PDE4B: variants seen among roughly 807,000 people sequenced by gnomAD.
PDE4B encodes phosphodiesterase 4B.
A neutral mutation model predicts 82.2 loss-of-function variants in PDE4B; 20 were observed. That is an observed-to-expected ratio of 0.24 (90% CI 0.17 to 0.35). The LOEUF is 0.35. Among genes scored for constraint, PDE4B ranks in the 10% least tolerant of loss-of-function variants. The pLI is 1.00. For synonymous variants in PDE4B, 320 were observed against 318.9 expected (o/e 1.00, Z -0.04); for missense variants, 655 against 907.2 (o/e 0.72, Z 3.57).
chr1:66,282,868 G>A (rs1656394590), intron 7 of PDE4B, among the ~76,000 whole-genome samples: 1 of 152,140 alleles, frequency 6.6e-6, no homozygotes, highest in Admixed American at 6.5e-5. Flanking sequence ...CAGCCCCTCA[G>A]TAAGAATCTG....
intron 3 of PDE4B, among the ~76,000 whole-genome samples, chr1:66,072,725 A>G (rs7552924): frequency 0.47 from 71,990 of 151,988 alleles, 17,704 homozygotes; most frequent in Non-Finnish European, 0.54. Flanking sequence ...AGTCCTAAAT[A>G]CCTGCTCTGT....
Position 66,122,103 on chromosome 1 carries a change from G to A in PDE4B, c.282-125357G>A, listed in dbSNP as rs148048542. Among the ~76,000 whole-genome samples, 146 of 152,162 alleles carry A rather than the reference G, an allele frequency of 9.6e-4. 2 individuals are homozygous for A. In the East Asian group the frequency reaches 0.025, roughly 27 times the overall value. ...ACAACTTTGAAGTCACATGGCCGAG[G>A]CTATAATCCTAGGCTACTGACTGAT... On this transcript the variant is annotated intron_variant, in intron 3 of 16. Coordinates refer to ENST00000341517, the MANE Select transcript of PDE4B (RefSeq NM_002600.4).
At chr1:66,090,933 C>G (rs868369511) in intron 3 of PDE4B, among the ~76,000 whole-genome samples, 4 of 151,934 alleles carry the variant, frequency 2.6e-5, no homozygotes, top group Middle Eastern at 3.4e-3. Flanking sequence ...TAAAATCTAT[C>G]CTTCAGTTGA....
At chr1:65,878,747 G>A (rs559827515) in intron 1 of PDE4B, among the ~76,000 whole-genome samples, 1 of 152,158 alleles carries the variant, frequency 6.6e-6, no homozygotes, top group East Asian at 1.9e-4. Context: ...CGGGGGAAAG[G>A]GGAGGGAGAG....
intron 3 of PDE4B, among the ~76,000 whole-genome samples, chr1:66,084,606 G>A (rs374598262): frequency 1.7e-4 from 26 of 152,102 alleles, no homozygotes; most frequent in African/African-American, 6.3e-4. Flanking sequence ...CCAGTAGAAG[G>A]GCTGAGGGAT....
At chr1:65,955,108 G>A (rs1393718032) in intron 3 of PDE4B, among the ~76,000 whole-genome samples, 1 of 152,064 alleles carries the variant, frequency 6.6e-6, no homozygotes, top group Non-Finnish European at 1.5e-5. Flanking sequence ...TATTATACAA[G>A]AATCTTCTGC....
chr1:66,122,286 C>T (rs1645724993), intron 3 of PDE4B, among the ~76,000 whole-genome samples: 1 of 152,190 alleles, frequency 6.6e-6, no homozygotes, highest in South Asian at 2.1e-4. Context: ...ATGTTAAGTG[C>T]TCAGTAAGTG....
At chr1:66,156,200 T>G (rs1646497729) in intron 3 of PDE4B, among the ~76,000 whole-genome samples, 1 of 152,110 alleles carries the variant, frequency 6.6e-6, no homozygotes, top group South Asian at 2.1e-4. Context: ...TAGGAATGAG[T>G]GAGTGAAAGG....
chr1:65,926,278 G>A (rs770306839), intron 3 of PDE4B, among the ~76,000 whole-genome samples: 7 of 152,130 alleles, frequency 4.6e-5, no homozygotes, highest in Non-Finnish European at 1.0e-4. Context: ...AAAATAAGAT[G>A]ATAGTTTTCC....
chr1:65,980,072 G>A (rs1557473825), intron 3 of PDE4B, among the ~76,000 whole-genome samples: 1 of 152,156 alleles, frequency 6.6e-6, no homozygotes, highest in Non-Finnish European at 1.5e-5. Context: ...AGATCCTGAA[G>A]TGAGTGTGAG....
intron 7 of PDE4B, 21 bp downstream of exon 7, chr1:66,266,108 T>C: frequency 1.3e-6 from 2 of 1,574,934 alleles, no homozygotes; most frequent in South Asian, 2.2e-5. Flanking sequence ...TCATAAGGTC[T>C]ATCTAGATGT....
chr1:66,159,748 CTT>C (rs1261615154), intron 3 of PDE4B, among the ~76,000 whole-genome samples: 1 of 151,620 alleles, frequency 6.6e-6, no homozygotes, highest in Non-Finnish European at 1.5e-5. Flanking sequence ...TATTCCCTGT[CTT>C]TATAGGCCAT....
intron 3 of PDE4B, among the ~76,000 whole-genome samples, chr1:66,118,571 TG>T (rs1445383378): frequency 7.3e-6 from 1 of 136,302 alleles, no homozygotes; most frequent in Non-Finnish European, 1.6e-5. Flanking sequence ...TGTTGTGGGG[TG>T]GGGGGAAGGG....
At position 66,087,769 on chromosome 1, in the gene PDE4B, C is replaced by CA. The variant is rs538588695; in HGVS notation, c.282-159685dup. ...CATTCTCAGTAAACTATCGCAGGAA[C>CA]AAAAAACCAAACACCGCATATTCTC... On this transcript the variant is annotated intron_variant, in intron 3 of 16. Coordinates refer to ENST00000341517, the MANE Select transcript of PDE4B (RefSeq NM_002600.4). Among the ~76,000 whole-genome samples the CA allele has an allele frequency of 3.5e-3, 516 of 148,512 alleles. 2 individuals carry two copies. Among genetic ancestry groups the CA allele is most frequent in the Non-Finnish European group, 5.9e-3 (396 of 67,534 alleles).
chr1:65,796,320 T>C (rs563447575), intron 1 of PDE4B, among the ~76,000 whole-genome samples: 1 of 152,328 alleles, frequency 6.6e-6, no homozygotes, highest in African/African-American at 2.4e-5. Context: ...TCAGCCCCAC[T>C]CTCTTTCTTA....
chr1:66,096,516 A>ATATATATATG (rs1645120115), intron 3 of PDE4B, among the ~76,000 whole-genome samples: 2 of 137,018 alleles, frequency 1.5e-5, no homozygotes, highest in African/African-American at 2.7e-5. Context: ...AATTATATAT[A>ATATATATATG]TATATATATA....
Position 66,332,546 on chromosome 1 carries a change from G to C in PDE4B, c.673G>C (p.Glu225Gln). Residue 225 changes from glutamate (E) to glutamine (Q), a missense_variant, in exon 8 of 17, where the codon GAA becomes CAA. Physicochemically the swap from Glu to Gln is conservative, Grantham distance 29. This residue lies in a region of PDE4B where 253 missense variants were observed against 275.6 expected (regional missense o/e 0.92). Coordinates refer to ENST00000341517, the MANE Select transcript of PDE4B (RefSeq NM_002600.4). ...AAAATTAGCAATGGAAACGCTGGAG[G>C]AATTAGACTGGTGTTTAGACCAGCT... ...YQKLAMETLEELDWCLDQLET... is the reference protein window; with the variant it reads ...YQKLAMETLEQLDWCLDQLET... 8.1e-6 allele frequency: 13 copies of C among 1,614,090 alleles called. No homozygotes were observed. The highest frequency in any genetic ancestry group is 1.3e-5 in the African/African-American group (1 of 75,054).
intron 3 of PDE4B, among the ~76,000 whole-genome samples, chr1:66,114,072 G>T (rs1367750484): frequency 6.6e-6 from 1 of 152,122 alleles, no homozygotes; most frequent in Non-Finnish European, 1.5e-5. Context: ...GATCATGAGG[G>T]CAGAGCTCTC....
chr1:66,176,585 T>A (rs1276839796), intron 3 of PDE4B, among the ~76,000 whole-genome samples: 3 of 152,220 alleles, frequency 2.0e-5, no homozygotes, highest in Non-Finnish European at 4.4e-5. Flanking sequence ...TAAAAGATAA[T>A]CAAGTTATAA....
Sources: allele counts gnomAD v4.1 joint callset (sites outside exome capture counted in the v4.1 genomes callset), GRCh38; gene constraint gnomAD v4.1.1; regional missense constraint gnomAD v4.1.1; transcripts MANE v1.5; gene names NCBI Gene and HGNC (gene_info 2026-07-23, HGNC 2026-07-21).